The following TYMS variants were observed in gnomAD, a reference collection of about 807,000 sequenced individuals.
TYMS encodes thymidylate synthetase, also known as thymidylate synthase.
TYMS carries 21 observed loss-of-function variants against 39.3 expected under a neutral mutation model. The observed-to-expected ratio is 0.54, with a 90% CI of 0.38 to 0.77. TYMS has a LOEUF of 0.77. Ranked by LOEUF, TYMS falls within the 30% of genes least tolerant of loss-of-function variation. The pLI is 0.00. For synonymous variants in TYMS, 171 were observed against 162.2 expected, an observed-to-expected ratio of 1.05 and a Z score of -0.41; for missense variants, 273 against 406.7, an observed-to-expected ratio of 0.67 and a Z score of 2.83.
In TYMS at chr18:672,863, C is replaced by A; in HGVS notation, c.808C>A (p.Gln270Lys). 1 of 1,562,966 alleles carries A rather than the reference C, an allele frequency of 6.4e-7. No homozygotes were observed. Among genetic ancestry groups the A allele is most frequent in the Non-Finnish European group, 8.7e-7 (1 of 1,143,020 alleles). Residue 270 changes from glutamine to lysine, a missense_variant, in exon 7 of 7, where the codon CAG (glutamine) becomes AAG (lysine). By Grantham distance (53) the Gln-to-Lys change is moderately conservative (BLOSUM62 1). Transcript: ENST00000323274. ...AATGGCCTTATTTTGTTTTTAGCTT[C>A]AGCGAGAACCCAGACCTTTCCCAAA... ...NHIEPLKIQL[Q>K]REPRPFPKLR...
rs2144417131 is a variant in TYMS, at chr18:672,828, A to G, written c.805-32A>G. ...AGCAATTACAACAGGTCGTACAATT[A>G]TGGCAAAATAATGGCCTTATTTTGT... is the stretch of plus-strand genomic sequence containing the variant. On this transcript the variant is annotated intron_variant, in intron 6 of 6. Coordinates refer to ENST00000323274, the MANE Select transcript of TYMS (RefSeq NM_001071.4). 5 of 1,541,546 alleles carry G rather than the reference A, an allele frequency of 3.2e-6. No homozygotes were observed. The East Asian group carries it at 6.9e-5, about 21-fold the overall frequency.
Position 670,791 on chromosome 18 carries a change from T to C in TYMS, c.656T>C (p.Met219Thr). 1 of 1,614,144 alleles carries C rather than the reference T, an allele frequency of 6.2e-7. No homozygotes were observed. The highest frequency in any genetic ancestry group is 8.5e-7 in the Non-Finnish European group (1 of 1,180,036). The change falls in exon 5 of 7, where the codon ATG becomes ACG. Residue 219 changes from methionine to threonine, a missense_variant. Transcript: ENST00000323274. ...CAGCTGTACCAGAGATCGGGAGACA[T>C]GGGCCTCGGTGTGCCTTTCAACATC... is the stretch of plus-strand genomic sequence containing the variant. Reference protein sequence around the residue: ...SCQLYQRSGDMGLGVPFNIAS... With the variant: ...SCQLYQRSGDTGLGVPFNIAS...
At chr18:669,215 C>A in intron 4 of TYMS, 42 bp downstream of exon 4, 2 of 1,562,444 alleles carry the variant, frequency 1.3e-6, no homozygotes, top group Admixed American at 1.7e-5. Flanking sequence ...TAACCATACT[C>A]TTAGAGGGAA....
chr18:668,803 T>A (rs2074914940), intron 3 of TYMS, among the ~76,000 whole-genome samples: 1 of 151,764 alleles, frequency 6.6e-6, no homozygotes, highest in Non-Finnish European at 1.5e-5. Context: ...CAGGAGGAGG[T>A]GACTCCATGA....
At chr18:667,143 T>A (rs370432903) in intron 3 of TYMS, among the ~76,000 whole-genome samples, 51 of 68,664 alleles carry the variant, frequency 7.4e-4, no homozygotes, top group Middle Eastern at 8.2e-3. Context: ...ATGGTGATGG[T>A]GATGGTGATG....
At position 669,101 on chromosome 18, in the gene TYMS, CAA is replaced by C. The variant is rs2144335544; in HGVS notation, c.486_487del (p.Arg163SerfsTer3). ...TTCAGGACAGGGAGTTGACCAACTGCAAAGAGTGATTGACACCATCAAAACCA... is the reference window on the plus strand; with the variant it reads ...TTCAGGACAGGGAGTTGACCAACTGCAGAGTGATTGACACCATCAAAACCA... ...DYSGQGVDQL[Q>X]RVIDTIKTNP... On this transcript the variant is annotated frameshift_variant, in exon 4 of 7. Coordinates refer to ENST00000323274, the MANE Select transcript of TYMS (RefSeq NM_001071.4). LOFTEE classifies it high-confidence loss of function. The C allele has an allele frequency of 3.1e-6, 5 of 1,614,154 alleles. No individual in the cohort carries two copies. Among genetic ancestry groups the C allele is most frequent in the Non-Finnish European group, 4.2e-6 (5 of 1,179,998 alleles).
At chr18:668,739 G>A (rs1354585879) in intron 3 of TYMS, among the ~76,000 whole-genome samples, 2 of 152,244 alleles carry the variant, frequency 1.3e-5, no homozygotes, top group African/African-American at 2.4e-5. Flanking sequence ...TTTGCGAGGA[G>A]CACTGGAAGA....
chr18:669,126 C>T lies in TYMS; in HGVS notation c.509C>T (p.Thr170Ile), dbSNP rs147052596. 1.2e-6 allele frequency: 2 copies of T among 1,614,066 alleles called. No homozygotes were observed. The highest frequency in any genetic ancestry group is 3.3e-5 in the Admixed American group (2 of 59,994). Reference sequence around the variant, plus strand: ...CAAAGAGTGATTGACACCATCAAAACCAACCCTGACGACAGAAGAATCATC... The same window carrying T: ...CAAAGAGTGATTGACACCATCAAAATCAACCCTGACGACAGAAGAATCATC... The part of the protein sequence containing the change: ...QLQRVIDTIK[T>I]NPDDRRIIMC... Residue 170 changes from threonine (T) to isoleucine (I), a missense_variant, in exon 4 of 7, where the codon ACC becomes ATC. Coordinates refer to ENST00000323274, the MANE Select transcript of TYMS (RefSeq NM_001071.4).
At chr18:662,562 G>A (rs2074768024) in intron 3 of TYMS, among the ~76,000 whole-genome samples, 1 of 141,602 alleles carries the variant, frequency 7.1e-6, no homozygotes, top group Non-Finnish European at 1.5e-5. Context: ...TGTGCACAAT[G>A]TGCAGGTTAG....
At chr18:657,986 G>A in intron 1 of TYMS, 39 bp downstream of exon 1, 1 of 1,511,924 alleles carries the variant, frequency 6.6e-7, no homozygotes, top group Non-Finnish European at 8.8e-7. Context: ...TGGCGGGAAG[G>A]AGGGAGGCGC....
chr18:657,885 A>T lies in TYMS; in HGVS notation c.143A>T (p.Asp48Val). ...QHILRCGVRK[D>V]DRTGTGTLSV... ...ATCCTCCGCTGCGGCGTCAGGAAGGACGACCGCACGGGCACCGGCACCCTG... is the reference window on the plus strand; with the variant it reads ...ATCCTCCGCTGCGGCGTCAGGAAGGTCGACCGCACGGGCACCGGCACCCTG... Residue 48 changes from aspartate (D) to valine (V), a missense_variant, in exon 1 of 7, where the codon GAC becomes GTC. Physicochemically the swap from Asp to Val is radical, Grantham distance 152 (BLOSUM62 -3). Around this residue, in one of 3 missense-constraint regions of TYMS, gnomAD observed 228 missense variants for 326.1 expected, o/e 0.70. Coordinates refer to ENST00000323274, the MANE Select transcript of TYMS (RefSeq NM_001071.4). 1 of 1,511,730 alleles carries T rather than the reference A, an allele frequency of 6.6e-7. No individual in the cohort carries two copies. The highest frequency in any genetic ancestry group is 8.8e-7 in the Non-Finnish European group (1 of 1,136,188). 93.6% of individuals were successfully genotyped at this position (1,511,730 alleles called of 1,614,324 possible).
intron 3 of TYMS, among the ~76,000 whole-genome samples, chr18:664,831 T>C (rs201709092): frequency 0.5 from 62,410 of 124,632 alleles, 17,523 homozygotes; most frequent in African/African-American, 0.74. Context: ...TATTGATTTG[T>C]GTATATTGAA....
intron 3 of TYMS, among the ~76,000 whole-genome samples, chr18:667,400 T>A (rs201536219): frequency 0.014 from 54 of 3,814 alleles, 5 homozygotes; most frequent in Admixed American, 0.026. Flanking sequence ...ATGGAGATGG[T>A]GATGGTGATG....
At chr18:671,013 T>C in intron 5 of TYMS, 146 bp downstream of exon 5, 2 of 996,250 alleles carry the variant, frequency 2.0e-6, no homozygotes, top group Non-Finnish European at 2.9e-6. Context: ...AGCTTTTACT[T>C]TGAAACCTTC....
chr18:669,967 AAAC>A (rs921598678), intron 4 of TYMS, among the ~76,000 whole-genome samples: 29 of 152,058 alleles, frequency 1.9e-4, no homozygotes, highest in South Asian at 1.9e-3. Context: ...GAATATTTAA[AAAC>A]AACAACAACA....
intron 6 of TYMS, 108 bp from the exon 7 acceptor site, chr18:672,750 TAA>T: frequency 2.3e-6 from 3 of 1,289,194 alleles, no homozygotes; most frequent in Non-Finnish European, 3.2e-6. Context: ...CATACTCCTG[TAA>T]AATAGAACTT....
rs916618125 is a variant in TYMS, at chr18:673,512, A to C, written c.*515A>C. 7 of 198,194 alleles carry C rather than the reference A, an allele frequency of 3.5e-5. No homozygotes were observed. Among genetic ancestry groups the C allele is most frequent in the African/African-American group, 1.6e-4 (7 of 43,310 alleles). The allele number at this position is 198,194 out of a possible 1,614,324, so 12.3% of individuals were successfully genotyped here. A position where few individuals can be genotyped will look rare whatever the true frequency, so the allele number is the denominator to read the frequency against. ...TTCTGCATTCGTCCACGCTTTGTTC[A>C]TTCTGTACTGCCACTTATCTGCTCA... On this transcript the variant is annotated 3_prime_UTR_variant, in exon 7 of 7. Coordinates refer to ENST00000323274, the MANE Select transcript of TYMS (RefSeq NM_001071.4).
rs753248760 is a variant in TYMS, at chr18:666,903, AGATGGT to A, written c.455-2157_455-2152del. Among the ~76,000 whole-genome samples, 107 of 60,772 alleles carry A rather than the reference AGATGGT, an allele frequency of 1.8e-3. 15 individuals carry two copies. In the South Asian group the frequency reaches 0.021, roughly 12 times the overall value. 39.9% of individuals were successfully genotyped at this position (60,772 alleles called of 152,430 possible). A position where few individuals can be genotyped will look rare whatever the true frequency, so the allele number is the denominator to read the frequency against. On this transcript the variant is annotated intron_variant, in intron 3 of 6. Transcript: ENST00000323274. ...GAAAAAGTTCGGGAGATGGTGATGGAGATGGTGATGGTGATGGAGATGGTGATGGTG... is the reference window on the plus strand; with the variant it reads ...GAAAAAGTTCGGGAGATGGTGATGGAGATGGTGATGGAGATGGTGATGGTG...
rs546638111 is a variant in TYMS at position 672,798 on chromosome 18, TGAG to T, written c.805-58_805-56del. 6 of 1,501,528 alleles carry T rather than the reference TGAG, an allele frequency of 4.0e-6. No individual in the cohort carries two copies. The South Asian group carries it at 8.0e-5, about 20-fold the overall frequency. 93.0% of individuals were successfully genotyped at this position (1,501,528 alleles called of 1,614,324 possible). A position where few individuals can be genotyped will look rare whatever the true frequency, so the allele number is the denominator to read the frequency against. On this transcript the variant is annotated intron_variant, in intron 6 of 6. Coordinates refer to ENST00000323274, the MANE Select transcript of TYMS (RefSeq NM_001071.4). ...ATCCTGTGTACTTGTTTCACGGACA[TGAG>T]GAGCAATTACAACAGGTCGTACAAT... is the stretch of plus-strand genomic sequence containing the variant.
Sources: gnomAD v4.1 joint callset for allele counts (sites outside exome capture counted in the v4.1 genomes callset) on GRCh38, gnomAD v4.1.1 for gene constraint, gnomAD v4.1.1 regional missense constraint, MANE v1.5 for transcripts, NCBI Gene and HGNC (gene_info 2026-07-23, HGNC 2026-07-21) for gene names.